Variants in GABRB2 observed in about 807,000 individuals in gnomAD.
GABRB2 encodes gamma-aminobutyric acid type A receptor subunit beta2.
In GABRB2, 16 loss-of-function variants were observed where a neutral mutation model predicts 54.7. The observed-to-expected ratio is 0.29, with a 90% CI of 0.20 to 0.44. The LOEUF (loss-of-function observed/expected upper bound fraction) is 0.44. Among genes scored for constraint, GABRB2 ranks in the 20% least tolerant of loss-of-function variants. GABRB2 has a pLI of 1.00. For missense variants in GABRB2, 355 were observed against 644.0 expected (o/e 0.55, Z 4.86); for synonymous variants, 244 against 233.8 (o/e 1.04, Z -0.40).
chr5:161,332,450 A>G (rs1753880705), intron 7 of GABRB2, among the ~76,000 whole-genome samples: 1 of 152,126 alleles, frequency 6.6e-6, no homozygotes. Flanking sequence ...AAAATGTGAC[A>G]CTGGGTCAGG....
At chr5:161,511,456 G>GC (rs1650139782) in intron 3 of GABRB2, among the ~76,000 whole-genome samples, 1 of 151,862 alleles carries the variant, frequency 6.6e-6, no homozygotes, top group African/African-American at 2.4e-5. Flanking sequence ...ACCAAACAAG[G>GC]CTTGTTCATC....
intron 4 of GABRB2, among the ~76,000 whole-genome samples, chr5:161,452,119 C>CA (rs1243189657): frequency 1.4e-4 from 21 of 152,234 alleles, no homozygotes; most frequent in African/African-American, 4.6e-4. Flanking sequence ...AACATGTCAT[C>CA]AATTGGTAAT....
rs564112451 is a variant in GABRB2, at chr5:161,509,467, C to T, written c.237+35760G>A. ...ATGAGGAAAATCAGTTAAGGCATCA[C>T]TTTCTCTGAAAAGTCTTTTCTGACA... On this transcript the variant is annotated intron_variant, in intron 3 of 9. Coordinates refer to ENST00000393959, the MANE Select transcript of GABRB2 (RefSeq NM_001371727.1). 3.3e-5 allele frequency among the ~76,000 whole-genome samples: 5 copies of T among 151,900 alleles called. No individual in the cohort carries two copies. In the South Asian group the frequency reaches 1.0e-3, roughly 32 times the overall value.
intron 5 of GABRB2, among the ~76,000 whole-genome samples, chr5:161,397,128 T>A (rs1756026640): frequency 6.6e-6 from 1 of 152,142 alleles, no homozygotes; most frequent in African/African-American, 2.4e-5. Context: ...AATCAAAAAA[T>A]TTTATCCTGT....
At chr5:161,350,206 A>G (rs961928119) in intron 5 of GABRB2, among the ~76,000 whole-genome samples, 6 of 152,112 alleles carry the variant, frequency 3.9e-5, no homozygotes, top group African/African-American at 1.4e-4. Context: ...TAGAGCAATT[A>G]GGCAAGAGAA....
chr5:161,493,520 T>C (rs1316140552), intron 3 of GABRB2, among the ~76,000 whole-genome samples: 5 of 151,684 alleles, frequency 3.3e-5, no homozygotes, highest in Non-Finnish European at 7.4e-5. Flanking sequence ...AATTTACAAA[T>C]TTACTCTTCG....
chr5:161,481,731 G>A (rs1316405112), intron 3 of GABRB2, among the ~76,000 whole-genome samples: 1 of 151,910 alleles, frequency 6.6e-6, no homozygotes, highest in Admixed American at 6.6e-5. Context: ...CTTATAAAAA[G>A]TTCATATACA....
chr5:161,469,496 T>A (rs1758373518), intron 3 of GABRB2, among the ~76,000 whole-genome samples: 1 of 131,762 alleles, frequency 7.6e-6, no homozygotes, highest in Admixed American at 8.6e-5. Flanking sequence ...CTACTATGTT[T>A]CCTCTTAAAA....
chr5:161,367,570 A>G (rs1052267809), intron 5 of GABRB2, among the ~76,000 whole-genome samples: 1 of 152,162 alleles, frequency 6.6e-6, no homozygotes, highest in African/African-American at 2.4e-5. Context: ...TGCACTTTAG[A>G]ATTTCTAGTT....
intron 3 of GABRB2, among the ~76,000 whole-genome samples, chr5:161,541,918 G>A (rs932416138): frequency 4.6e-5 from 7 of 152,284 alleles, no homozygotes; most frequent in African/African-American, 1.7e-4. Flanking sequence ...GCCTGTCCCA[G>A]CTTTTGACAC....
At chr5:161,328,915 A>C (rs548439360) in intron 8 of GABRB2, among the ~76,000 whole-genome samples, 1 of 152,246 alleles carries the variant, frequency 6.6e-6, no homozygotes, top group East Asian at 1.9e-4. Flanking sequence ...ATACTAAATA[A>C]TCTCTGGTAT....
intron 3 of GABRB2, among the ~76,000 whole-genome samples, chr5:161,493,320 AC>A (rs1478833327): frequency 1.3e-5 from 2 of 151,700 alleles, no homozygotes; most frequent in Non-Finnish European, 3.0e-5. Context: ...GTAGATAATT[AC>A]ATTTTGTTCT....
chr5:161,524,560 T>C (rs961887055), intron 3 of GABRB2, among the ~76,000 whole-genome samples: 2 of 151,496 alleles, frequency 1.3e-5, no homozygotes, highest in African/African-American at 4.8e-5. Context: ...ATACCTCAGA[T>C]GTAAGAAAAG....
At chr5:161,472,126 G>A (rs1404346538) in intron 3 of GABRB2, among the ~76,000 whole-genome samples, 1 of 151,762 alleles carries the variant, frequency 6.6e-6, no homozygotes, top group Non-Finnish European at 1.5e-5. Context: ...GCCTGGCTCA[G>A]ATTAAATCTA....
intron 5 of GABRB2, among the ~76,000 whole-genome samples, chr5:161,400,422 TTTGCATTCCCACCA>T (rs1418436855): frequency 6.6e-6 from 1 of 152,096 alleles, no homozygotes; most frequent in Admixed American, 6.6e-5. Context: ...AGTAAACACG[TTTGCATTCCCACCA>T]CCCTCCCGCT....
chr5:161,299,078 G>A (rs1757463981), intron 9 of GABRB2, among the ~76,000 whole-genome samples: 1 of 152,156 alleles, frequency 6.6e-6, no homozygotes, highest in South Asian at 2.1e-4. Flanking sequence ...GGGCAGGGTA[G>A]GCTTGCAAAA....
At chr5:161,344,764 G>A (rs1459454981) in intron 5 of GABRB2, among the ~76,000 whole-genome samples, 1 of 151,964 alleles carries the variant, frequency 6.6e-6, no homozygotes, top group African/African-American at 2.4e-5. Flanking sequence ...TTGCAGCACT[G>A]TACCCAATAG....
At chr5:161,546,807 A>C (rs898960623), upstream of GABRB2, 10 of 1,422,134 alleles carry the variant, frequency 7.0e-6, no homozygotes, top group Non-Finnish European at 8.3e-6. Context: ...TTGTTTAAAA[A>C]AAAAAAAAAA....
rs1057522438 is a variant in GABRB2, at chr5:161,334,743, A to G, written c.832+9T>C. On this transcript the variant is annotated intron_variant, in intron 7 of 9. Coordinates refer to ENST00000393959, the MANE Select transcript of GABRB2 (RefSeq NM_001371727.1). Reference sequence around the variant, plus strand: ...GTCAAAATCCACAAGCAGTAATAAAATGGCCTACCTAATGCCACCCTTGCA... The same window carrying G: ...GTCAAAATCCACAAGCAGTAATAAAGTGGCCTACCTAATGCCACCCTTGCA... 7 of 1,612,872 alleles carry G rather than the reference A, an allele frequency of 4.3e-6. No homozygotes were observed. The highest frequency in any genetic ancestry group is 5.1e-6 in the Non-Finnish European group (6 of 1,179,488).
Sources: allele counts gnomAD v4.1 joint callset (sites outside exome capture counted in the v4.1 genomes callset), GRCh38; gene constraint gnomAD v4.1.1; transcripts MANE v1.5; gene names NCBI Gene and HGNC (gene_info 2026-07-23, HGNC 2026-07-21).